Variants in MACROH2A2 observed in about 807,000 individuals in gnomAD.
MACROH2A2 encodes the protein macroH2A.2 histone.
In MACROH2A2, 6 loss-of-function variants were observed where a neutral mutation model predicts 37.6. The observed-to-expected ratio is 0.16, with a 90% CI of 0.09 to 0.32. MACROH2A2 has a LOEUF of 0.32. Among genes scored for constraint, MACROH2A2 ranks in the 10% least tolerant of loss-of-function variants. The pLI is 1.00. For missense variants in MACROH2A2, 290 were observed against 485.9 expected (o/e 0.60, Z 3.79); for synonymous variants, 192 against 202.7 (o/e 0.95, Z 0.45).
chr10:70,108,399 T>C (rs959701346), intron 7 of MACROH2A2, among the ~76,000 whole-genome samples: 1 of 152,284 alleles, frequency 6.6e-6, no homozygotes, highest in Admixed American at 6.5e-5. Flanking sequence ...TGGTTCCTTC[T>C]GGAGGCTCAG....
intron 2 of MACROH2A2, among the ~76,000 whole-genome samples, chr10:70,080,907 A>AC (rs2072172535): frequency 6.7e-6 from 1 of 149,290 alleles, no homozygotes; most frequent in African/African-American, 2.5e-5. Flanking sequence ...AAAAAAAAAA[A>AC]AAAAAACCTA....
Position 70,052,922 on chromosome 10 carries a change from C to T in MACROH2A2, c.-138C>T. 6.5e-6 allele frequency: 1 copy of T among 152,728 alleles called. No homozygotes were observed. Among genetic ancestry groups the T allele is most frequent in the Non-Finnish European group, 1.5e-5 (1 of 68,104 alleles). The allele number at this position is 152,728 out of a possible 1,614,324, so 9.5% of individuals were successfully genotyped here. A position where few individuals can be genotyped will look rare whatever the true frequency, so the allele number is the denominator to read the frequency against. ...GGCAAAGAGTCCTGCCCGGCACCGG[C>T]GCCGCGTGGGCCAAACCTGCGCCCG... On this transcript the variant is annotated 5_prime_UTR_variant, in exon 1 of 9. Transcript: ENST00000373255.
chr10:70,072,636 G>A (rs2072117109), intron 1 of MACROH2A2, among the ~76,000 whole-genome samples: 1 of 152,198 alleles, frequency 6.6e-6, no homozygotes, highest in South Asian at 2.1e-4. Context: ...AAACACATGA[G>A]TAAGGCATTG....
intron 7 of MACROH2A2, among the ~76,000 whole-genome samples, chr10:70,104,910 A>C (rs941806811): frequency 6.6e-6 from 1 of 152,228 alleles, no homozygotes; most frequent in Admixed American, 6.5e-5. Flanking sequence ...TTTAAACAAA[A>C]AAAAAGTGCA....
At chr10:70,111,234 A>G (rs2072371908) in intron 8 of MACROH2A2, among the ~76,000 whole-genome samples, 3 of 152,180 alleles carry the variant, frequency 2.0e-5, no homozygotes, top group Admixed American at 1.3e-4. Context: ...GCGCCACTGC[A>G]CTCCAGCCTG....
At chr10:70,063,036 G>A (rs891350404) in intron 1 of MACROH2A2, among the ~76,000 whole-genome samples, 5 of 152,026 alleles carry the variant, frequency 3.3e-5, no homozygotes, top group Non-Finnish European at 7.4e-5. Flanking sequence ...TCAGGATGCT[G>A]GAGCTGTCTA....
At chr10:70,091,556 T>G (rs1032118964) in intron 3 of MACROH2A2, among the ~76,000 whole-genome samples, 2 of 151,514 alleles carry the variant, frequency 1.3e-5, no homozygotes, top group African/African-American at 2.4e-5. Context: ...GTGCCTGTAA[T>G]CCCAGCTGCT....
intron 2 of MACROH2A2, among the ~76,000 whole-genome samples, chr10:70,076,066 A>G (rs918794090): frequency 7.9e-5 from 12 of 152,206 alleles, no homozygotes; most frequent in African/African-American, 1.2e-4. Context: ...AGAACCCACA[A>G]TCAAGTAAGT....
chr10:70,072,173 C>A (rs2072114849), intron 1 of MACROH2A2, among the ~76,000 whole-genome samples: 1 of 151,822 alleles, frequency 6.6e-6, no homozygotes, highest in African/African-American at 2.4e-5. Flanking sequence ...ACATATTTTC[C>A]TTCTTTATAG....
chr10:70,100,365 C>A, intron 7 of MACROH2A2, 68 bp downstream of exon 7: 1 of 840,240 alleles, frequency 1.2e-6, no homozygotes, highest in Non-Finnish European at 2.0e-6. Flanking sequence ...TCCAGCCTCA[C>A]GTGCCTCATG....
intron 2 of MACROH2A2, among the ~76,000 whole-genome samples, chr10:70,088,284 C>T (rs1340055830): frequency 2.6e-5 from 4 of 151,972 alleles, no homozygotes; most frequent in South Asian, 2.1e-4. Context: ...TTCACGCACA[C>T]GCACACATGC....
intron 1 of MACROH2A2, among the ~76,000 whole-genome samples, chr10:70,064,077 A>G (rs1448449165): frequency 6.6e-6 from 1 of 152,224 alleles, no homozygotes; most frequent in East Asian, 1.9e-4. Context: ...GCAATCAAAC[A>G]ACTACAAGAG....
chr10:70,070,997 GCA>G (rs1411942183), intron 1 of MACROH2A2, among the ~76,000 whole-genome samples: 1 of 149,936 alleles, frequency 6.7e-6, no homozygotes, highest in African/African-American at 2.5e-5. Flanking sequence ...GTGTGCATGT[GCA>G]TGTGTGTGTG....
intron 7 of MACROH2A2, among the ~76,000 whole-genome samples, chr10:70,101,928 T>C (rs1002032929): frequency 1.3e-5 from 2 of 152,230 alleles, no homozygotes; most frequent in Non-Finnish European, 2.9e-5. Context: ...TGAATAGAGC[T>C]GCAGTGAACA....
At chr10:70,070,652 C>T (rs759158098) in intron 1 of MACROH2A2, among the ~76,000 whole-genome samples, 10 of 152,172 alleles carry the variant, frequency 6.6e-5, no homozygotes, top group African/African-American at 1.9e-4. Context: ...CCACCACGCC[C>T]GGCTAATATT....
In MACROH2A2 at chr10:70,091,962, G is replaced by A. The variant is rs200230857; in HGVS notation, c.477+8G>A. ...CCACGGACGTCCAAAAAGGTAGGCC[G>A]AGGCTGCGTGTCCTGGGCCAGGCAC... On this transcript the variant is annotated splice_region_variant and intron_variant, in intron 4 of 8. Coordinates refer to ENST00000373255, the MANE Select transcript of MACROH2A2 (RefSeq NM_018649.3). 2.0e-4 allele frequency: 326 copies of A among 1,609,478 alleles called. No individual in the cohort carries two copies. In the African/African-American group the frequency reaches 2.4e-3, roughly 12 times the overall value.
intron 7 of MACROH2A2, 114 bp from the exon 8 acceptor site, chr10:70,108,919 C>G: frequency 1.1e-6 from 1 of 909,410 alleles, no homozygotes; most frequent in Non-Finnish European, 1.8e-6. Context: ...TGCTGCCCAG[C>G]CAACGTCTCT....
chr10:70,071,482 G>A (rs760090539), intron 1 of MACROH2A2, among the ~76,000 whole-genome samples: 1 of 152,134 alleles, frequency 6.6e-6, no homozygotes, highest in South Asian at 2.1e-4. Context: ...TTAGCCACCT[G>A]CCCTGTTTTA....
At chr10:70,084,816 G>A (rs2072201385) in intron 2 of MACROH2A2, among the ~76,000 whole-genome samples, 1 of 152,140 alleles carries the variant, frequency 6.6e-6, no homozygotes, top group Non-Finnish European at 1.5e-5. Context: ...TGCCCAGGCT[G>A]GTCTTGAATT....
Sources: allele counts gnomAD v4.1 joint callset (sites outside exome capture counted in the v4.1 genomes callset), GRCh38; gene constraint gnomAD v4.1.1; transcripts MANE v1.5; gene names NCBI Gene and HGNC (gene_info 2026-07-23, HGNC 2026-07-21).